The following ATP6V0A2 variants were observed in gnomAD, a reference collection of about 807,000 sequenced individuals.
ATP6V0A2 encodes V-type proton ATPase 116 kDa subunit a 2.
Under a neutral mutation model 104.4 loss-of-function variants are expected in ATP6V0A2, and 58 were observed. The ratio of observed to expected loss-of-function variants is 0.56; its 90% CI spans 0.45 to 0.69. The LOEUF (loss-of-function observed/expected upper bound fraction) is 0.69. Among genes scored for constraint, ATP6V0A2 ranks in the 30% least tolerant of loss-of-function variants. The probability of loss-of-function intolerance (pLI) is 0.00; values close to 1 mark genes in which losing one functional copy is unlikely to be tolerated. For synonymous variants in ATP6V0A2, 376 were observed against 397.9 expected (o/e 0.95, Z 0.65); for missense variants, 938 against 1,062.9 (o/e 0.88, Z 1.63).
Position 123,761,272 on chromosome 12 carries a change from T to C in ATP6V0A2, c.*3240T>C. On this transcript the variant is annotated 3_prime_UTR_variant, in exon 20 of 20. Transcript: ENST00000330342. ...AGGTCAGCCTTACGATGTCCATGAA[T>C]TACATATTCAGACGTTTTAGAGCCT... 6.6e-6 allele frequency: 1 copy of C among 152,220 alleles called. No individual in the cohort carries two copies. Among genetic ancestry groups the C allele is most frequent in the East Asian group, 1.9e-4 (1 of 5,200 alleles). The allele number at this position is 152,220 out of a possible 1,614,324, so 9.4% of individuals were successfully genotyped here. A position where few individuals can be genotyped will look rare whatever the true frequency, so the allele number is the denominator to read the frequency against.
intron 6 of ATP6V0A2, among the ~76,000 whole-genome samples, chr12:123,730,253 C>T (rs1370178232): frequency 2.0e-5 from 3 of 152,048 alleles, no homozygotes; most frequent in East Asian, 3.9e-4. Flanking sequence ...GACGGGGTTT[C>T]ACTGTGTTAG....
At chr12:123,735,655 A>G (rs753110515) in intron 8 of ATP6V0A2, 31 bp downstream of exon 8, 1 of 1,533,730 alleles carries the variant, frequency 6.5e-7, no homozygotes, top group Non-Finnish European at 9.0e-7. Context: ...TTGCCTCTTT[A>G]TCTGAGGGCT....
chr12:123,750,564 G>A (rs2135916676), intron 15 of ATP6V0A2: 1 of 196,508 alleles, frequency 5.1e-6, no homozygotes, highest in Middle Eastern at 2.6e-3. Context: ...GACTGCCGTG[G>A]CTGTGTAAGC....
At position 123,727,867 on chromosome 12, in the gene ATP6V0A2, G is replaced by A. The variant is rs897994294; in HGVS notation, c.606G>A (p.Val202=). ...GAGTCTGCAAAGGGTACACCATCGT[G>A]TCCTATGCAGAACTGGATGAATCCC... ...LWRVCKGYTI[V]SYAELDESLE... The change falls in exon 6 of 20, where the codon GTG becomes GTA. Residue 202 remains valine (V), a synonymous_variant. Transcript: ENST00000330342. 5 of 1,614,102 alleles carry A rather than the reference G, an allele frequency of 3.1e-6. No individual in the cohort carries two copies. The highest frequency in any genetic ancestry group is 1.7e-5 in the Admixed American group (1 of 60,008).
At chr12:123,755,135 G>A (rs186844799) in intron 18 of ATP6V0A2, among the ~76,000 whole-genome samples, 1 of 152,180 alleles carries the variant, frequency 6.6e-6, no homozygotes, top group Non-Finnish European at 1.5e-5. Context: ...CGTGCGGCAG[G>A]TGTCGTGATG....
chr12:123,744,344 A>C lies in ATP6V0A2; in HGVS notation c.1326+7A>C. Reference sequence around the variant, plus strand: ...ACTAAATCAGTCACAAGAGGTAAAAATATAAACACTCCAGCTCATATATCT... The same window carrying C: ...ACTAAATCAGTCACAAGAGGTAAAACTATAAACACTCCAGCTCATATATCT... On this transcript the variant is annotated splice_region_variant and intron_variant, in intron 11 of 19. Transcript: ENST00000330342. This position sits in a 1 kb window ranked among gnomAD's most constrained non-coding sequence, Gnocchi z 5.4. 6.2e-7 allele frequency: 1 copy of C among 1,614,224 alleles called. No homozygotes were observed. The highest frequency in any genetic ancestry group is 8.5e-7 in the Non-Finnish European group (1 of 1,180,044).
At chr12:123,754,625 T>C (rs1012562182) in intron 18 of ATP6V0A2, 88 bp downstream of exon 18, 5 of 916,740 alleles carry the variant, frequency 5.5e-6, no homozygotes, top group Non-Finnish European at 9.0e-6. Context: ...ACTTTGTAAC[T>C]AATAGTCATA....
In ATP6V0A2 at chr12:123,756,895, C is replaced by T. The variant is rs765645222; in HGVS notation, c.2374C>T (p.Pro792Ser). The change falls in exon 19 of 20, where the codon CCG becomes TCG. Residue 792 changes from proline (P) to serine (S), a missense_variant. Coordinates refer to ENST00000330342, the MANE Select transcript of ATP6V0A2 (RefSeq NM_012463.4). ...CACCTATGGCGTCTTGCTACTGCTC[C>T]CGGTTATCGCGCTCTTTGCAGTTTT... is the stretch of plus-strand genomic sequence containing the variant. ...DTTYGVLLLL[P>S]VIALFAVLTI... The T allele has an allele frequency of 3.7e-6, 6 of 1,614,214 alleles. No homozygotes were observed. In the East Asian group the frequency reaches 1.3e-4, roughly 36 times the overall value.
intron 1 of ATP6V0A2, among the ~76,000 whole-genome samples, chr12:123,717,148 C>G (rs1956349271): frequency 1.3e-5 from 2 of 151,794 alleles, no homozygotes. Flanking sequence ...AACCCCATCT[C>G]TACTAAAAAT....
At chr12:123,757,168 C>T (rs897658217) in intron 19 of ATP6V0A2, among the ~76,000 whole-genome samples, 182 bp downstream of exon 19, 1 of 152,110 alleles carries the variant, frequency 6.6e-6, no homozygotes, top group East Asian at 1.9e-4. Context: ...GGGCCGGGTG[C>T]GGTGGCTCAT....
At chr12:123,735,704 A>G in intron 8 of ATP6V0A2, 80 bp downstream of exon 8, 7 of 1,147,604 alleles carry the variant, frequency 6.1e-6, no homozygotes, top group Non-Finnish European at 9.1e-6. Context: ...CTTTTTTAAC[A>G]TAGATAATAT....
chr12:123,741,099 A>G (rs1350968815), intron 9 of ATP6V0A2, among the ~76,000 whole-genome samples: 1 of 152,026 alleles, frequency 6.6e-6, no homozygotes, highest in East Asian at 1.9e-4. Context: ...CTTATGTAAG[A>G]TTGGGCTTCT....
chr12:123,749,405 A>G (rs888993357), intron 15 of ATP6V0A2, among the ~76,000 whole-genome samples: 3 of 152,186 alleles, frequency 2.0e-5, no homozygotes, highest in African/African-American at 4.8e-5. Flanking sequence ...GACCCTTTCA[A>G]AAAATGAGCT....
At chr12:123,730,438 C>T (rs531987093) in intron 6 of ATP6V0A2, among the ~76,000 whole-genome samples, 211 of 152,058 alleles carry the variant, frequency 1.4e-3, no homozygotes, top group Non-Finnish European at 2.4e-3. Context: ...CAGGAGCCAC[C>T]GCGCCCAGCC....
chr12:123,736,639 C>T (rs953056453), intron 8 of ATP6V0A2, among the ~76,000 whole-genome samples: 4 of 152,128 alleles, frequency 2.6e-5, no homozygotes, highest in Non-Finnish European at 4.4e-5. Context: ...CTCAGTTAAG[C>T]GAGAGGATTT....
At chr12:123,731,355 T>C (rs763876971) in intron 6 of ATP6V0A2, 1 of 152,228 alleles carries the variant, frequency 6.6e-6, no homozygotes, top group Non-Finnish European at 1.5e-5. Context: ...CTTGAAGTTA[T>C]TACAGACCTT....
intron 4 of ATP6V0A2, among the ~76,000 whole-genome samples, chr12:123,725,749 G>A (rs1360155987): frequency 6.6e-6 from 1 of 150,890 alleles, no homozygotes; most frequent in African/African-American, 2.4e-5. Context: ...TTGCGCCACT[G>A]CACTCCAGCC....
intron 6 of ATP6V0A2, among the ~76,000 whole-genome samples, chr12:123,729,002 A>AGTTCCATTACTGGTCGTGGTC (rs1566278604): frequency 6.6e-6 from 1 of 150,682 alleles, no homozygotes; most frequent in South Asian, 2.1e-4. Context: ...TCACTTGATT[A>AGTTCCATTACTGGTCGTGGTC]AGGCACTTCT....
intron 1 of ATP6V0A2, among the ~76,000 whole-genome samples, chr12:123,717,610 A>G (rs1956356961): frequency 6.6e-6 from 1 of 151,766 alleles, no homozygotes; most frequent in African/African-American, 2.4e-5. Flanking sequence ...AGGCCTGGCT[A>G]ATTTTTTATT....
Sources: allele counts gnomAD v4.1 joint callset (sites outside exome capture counted in the v4.1 genomes callset), GRCh38; gene constraint gnomAD v4.1.1; non-coding constraint Gnocchi (gnomAD v3.1); transcripts MANE v1.5; gene names NCBI Gene and HGNC (gene_info 2026-07-23, HGNC 2026-07-21).